The following ALS2CL variants were observed in gnomAD, a reference collection of about 807,000 sequenced individuals.
The protein encoded by ALS2CL is ALS2 C-terminal like.
In ALS2CL, 112 loss-of-function variants were observed where a neutral mutation model predicts 127.9. That is an observed-to-expected ratio of 0.88 (90% CI 0.75 to 1.02). The LOEUF is 1.02. Ranked by LOEUF, ALS2CL falls within the 50% of genes least tolerant of loss-of-function variation. ALS2CL has a pLI of 0.00. For synonymous variants in ALS2CL, 519 were observed against 527.6 expected (o/e 0.98, Z 0.22); for missense variants, 1,174 against 1,236.7 (o/e 0.95, Z 0.76).
intron 16 of ALS2CL, among the ~76,000 whole-genome samples, chr3:46,677,869 T>C (rs1698988379): frequency 6.6e-6 from 1 of 152,192 alleles, no homozygotes; most frequent in Admixed American, 6.5e-5. Context: ...AGAGCCAGGC[T>C]CAATGATCAG....
At chr3:46,677,413 G>C in intron 16 of ALS2CL, 1 of 1,049,960 alleles carries the variant, frequency 9.5e-7, no homozygotes, top group Non-Finnish European at 1.1e-6. Flanking sequence ...CCTTCCTGTG[G>C]TTGATCCCGC....
chr3:46,671,484 T>G lies in ALS2CL; in HGVS notation c.2781+4A>C. On this transcript the variant is annotated splice_donor_region_variant and intron_variant, in intron 25 of 25. Transcript: ENST00000318962. ...CACCTCGGTCCACAGCCCCTGTCCC[T>G]TACCTCCAGGGCTGTGAGCAGGAAG... 6.2e-7 allele frequency: 1 copy of G among 1,613,976 alleles called. No homozygotes were observed. Among genetic ancestry groups the G allele is most frequent in the Non-Finnish European group, 8.5e-7 (1 of 1,179,974 alleles).
Position 46,687,105 on chromosome 3 carries a change from A to T in ALS2CL, c.412T>A (p.Ser138Thr). The T allele has an allele frequency of 6.3e-7, 1 of 1,578,502 alleles. No individual in the cohort carries two copies. Among genetic ancestry groups the T allele is most frequent in the South Asian group, 1.1e-5 (1 of 87,668 alleles). ...GQRKALRQLL[S>T]GVSSEGSVGA... ...ACCGAGCCCTCTGAGCTCACACCTG[A>T]AAGCAGCTGCCGCAGCGCCTTCCGC... The change falls in exon 5 of 26, where the codon TCA becomes ACA. Residue 138 changes from serine (S) to threonine (T), a missense_variant. Physicochemically the swap from Ser to Thr is moderately conservative, Grantham distance 58. Transcript: ENST00000318962.
In ALS2CL at chr3:46,687,686, T is replaced by C; in HGVS notation, c.303-2A>G. The C allele has an allele frequency of 6.2e-7, 1 of 1,611,954 alleles. No homozygotes were observed. The highest frequency in any genetic ancestry group is 8.5e-7 in the Non-Finnish European group (1 of 1,179,084). ...CAGCTTGTGTAGGACTCAATGTACC[T>C]GCAGGCAGCACAGGGGACACCCTGC... On this transcript the variant is annotated splice_acceptor_variant, in intron 3 of 25. Coordinates refer to ENST00000318962, the MANE Select transcript of ALS2CL (RefSeq NM_147129.5). LOFTEE classifies it high-confidence loss of function.
At chr3:46,692,494 C>T (rs1196316966) in intron 1 of ALS2CL, among the ~76,000 whole-genome samples, 1 of 152,188 alleles carries the variant, frequency 6.6e-6, no homozygotes, top group Non-Finnish European at 1.5e-5. Context: ...GGCCCAGGAA[C>T]AATGGGAGGG....
At chr3:46,683,063 G>T (rs1159680530) in intron 10 of ALS2CL, 67 bp downstream of exon 10, 9 of 1,433,660 alleles carry the variant, frequency 6.3e-6, no homozygotes, top group Non-Finnish European at 8.4e-6. Context: ...TTAGGCTTGT[G>T]TGCTGCTCTC....
At chr3:46,685,766 G>T (rs1699718109) in intron 6 of ALS2CL, 122 bp from the exon 7 acceptor site, 2 of 1,386,328 alleles carry the variant, frequency 1.4e-6, no homozygotes, top group African/African-American at 2.9e-5. Context: ...TAGACCTGGA[G>T]CGGACCCTGG....
intron 16 of ALS2CL, 104 bp from the exon 17 acceptor site, chr3:46,677,126 C>G: frequency 2.7e-6 from 4 of 1,490,310 alleles, no homozygotes; most frequent in South Asian, 1.4e-5. Flanking sequence ...GAGCCTGGCC[C>G]AGGATCAAGC....
In ALS2CL at chr3:46,674,656, T is replaced by C. The variant is rs747085457; in HGVS notation, c.2339A>G (p.His780Arg). The change falls in exon 21 of 26, where the codon CAT becomes CGT. Residue 780 changes from histidine (H) to arginine (R), a missense_variant. By Grantham distance (29) the His-to-Arg change is conservative. Transcript: ENST00000318962. The stretch of plus-strand genomic sequence containing the variant: ...GCTGTAGAAGCTGTCCTCCCGCTCA[T>C]GAAGCAGCAGGTAGAGCGTGAAGAG... ...SELFTLYLLL[H>R]EREDSFYSQG... 1.9e-6 allele frequency: 3 copies of C among 1,614,004 alleles called. No individual in the cohort carries two copies. Among genetic ancestry groups the C allele is most frequent in the Admixed American group, 3.3e-5 (2 of 59,998 alleles).
rs1284605701 is a variant in ALS2CL at position 46,673,369 on chromosome 3, G to A, written c.2442C>T (p.Pro814=). ...EFLDVQKHLW[P]LKDLTLTSNQ... is the part of the protein sequence containing the mutation. ...TGCTCGTCAGCGTGAGGTCCTTGAG[G>A]GGCCACAAGTGCCTGAAATTGAAAA... The change falls in exon 22 of 26, where the codon CCC becomes CCT. Residue 814 remains proline, a synonymous_variant. Coordinates refer to ENST00000318962, the MANE Select transcript of ALS2CL (RefSeq NM_147129.5). 46 of 1,564,334 alleles carry A rather than the reference G, an allele frequency of 2.9e-5. No individual in the cohort carries two copies. The highest frequency in any genetic ancestry group is 3.8e-5 in the Non-Finnish European group (44 of 1,154,166).
In ALS2CL at chr3:46,685,644, C is replaced by T. The variant is rs1699706144; in HGVS notation, c.667G>A (p.Asp223Asn). 2.5e-6 allele frequency: 4 copies of T among 1,613,342 alleles called. No homozygotes were observed. The highest frequency in any genetic ancestry group is 4.5e-5 in the East Asian group (2 of 44,852). Residue 223 changes from aspartate to asparagine, a missense_variant and splice_region_variant, in exon 7 of 26, where the codon GAT (aspartate) becomes AAT (asparagine). Transcript: ENST00000318962. ...LWHTLRGRLR[D>N]VLCTPAHRLL... is the part of the protein sequence containing the mutation. ...CTGTGAGCAGGGGTGCAGAGCACAT[C>T]CTGGTGGGGCAAAGAGGACAGTACA... is the stretch of plus-strand genomic sequence containing the variant.
chr3:46,689,611 C>T, intron 1 of ALS2CL, 146 bp from the exon 2 acceptor site: 2 of 585,368 alleles, frequency 3.4e-6, no homozygotes, highest in South Asian at 2.1e-5. Flanking sequence ...AAGGGGAGTT[C>T]CTGGACTGGC....
rs1483107397 is a variant in ALS2CL, at chr3:46,688,230, G to A, written c.170C>T (p.Ser57Phe). 3 of 1,612,852 alleles carry A rather than the reference G, an allele frequency of 1.9e-6. No individual in the cohort carries two copies. The highest frequency in any genetic ancestry group is 1.3e-5 in the African/African-American group (1 of 74,888). ...LRLLQQLHKSSQQLWEVTEES... is the reference protein window; with the variant it reads ...LRLLQQLHKSFQQLWEVTEES... ...CTCCGTCACCTCCCAGAGTTGCTGG[G>A]AGCTCTTGTGCAGCTGTTGCAAGAG... The change falls in exon 3 of 26, where the codon TCC becomes TTC. Residue 57 changes from serine (S) to phenylalanine (F), a missense_variant. Transcript: ENST00000318962.
chr3:46,685,069 A>T (rs1050373472), intron 7 of ALS2CL, among the ~76,000 whole-genome samples: 2 of 152,186 alleles, frequency 1.3e-5, no homozygotes, highest in Non-Finnish European at 2.9e-5. Context: ...CTGAAAGCCC[A>T]GGCACTGCTC....
intron 16 of ALS2CL, chr3:46,677,313 G>A: frequency 8.0e-7 from 1 of 1,253,630 alleles, no homozygotes. Flanking sequence ...GGCCAAGCCA[G>A]AGAGGGGGTC....
intron 6 of ALS2CL, 24 bp from the exon 7 acceptor site, chr3:46,685,668 C>T (rs756572221): frequency 4.3e-5 from 69 of 1,606,592 alleles, no homozygotes; most frequent in Non-Finnish European, 5.9e-5. Context: ...GAGGACAGTA[C>T]AAGGCTTAGG....
At chr3:46,678,000 C>CAAAAA (rs527464518) in intron 16 of ALS2CL, among the ~76,000 whole-genome samples, 1 of 129,806 alleles carries the variant, frequency 7.7e-6, no homozygotes, top group African/African-American at 2.9e-5. Flanking sequence ...CCTTTCGAGA[C>CAAAAA]AAAAAAAAAA....
At chr3:46,676,459 A>T (rs1310670623) in intron 18 of ALS2CL, 57 bp from the exon 19 acceptor site, 4 of 1,606,270 alleles carry the variant, frequency 2.5e-6, no homozygotes, top group Middle Eastern at 1.7e-4. Flanking sequence ...GGAGCACAGC[A>T]TGCCCACACC....
intron 7 of ALS2CL, 51 bp downstream of exon 7, chr3:46,685,474 A>AC (rs1699689537): frequency 1.3e-6 from 2 of 1,591,520 alleles, no homozygotes; most frequent in Non-Finnish European, 8.6e-7. Context: ...TTCCAGCCAG[A>AC]CCCCAGAACC....
Sources: gnomAD v4.1 joint callset for allele counts (sites outside exome capture counted in the v4.1 genomes callset) on GRCh38, gnomAD v4.1.1 for gene constraint, MANE v1.5 for transcripts, NCBI Gene and HGNC (gene_info 2026-07-23, HGNC 2026-07-21) for gene names.